Variants in KATNBL1 observed in about 807,000 individuals in gnomAD.
KATNBL1 encodes the protein katanin regulatory subunit B1 like 1, also known as KATNB1-like protein 1.
KATNBL1 carries 28 observed loss-of-function variants against 44.7 expected under a neutral mutation model. The ratio of observed to expected loss-of-function variants is 0.63; its 90% CI spans 0.46 to 0.86. KATNBL1 has a LOEUF of 0.86. KATNBL1 is among the 40% of genes least tolerant of loss of function. The pLI is 0.00. For synonymous variants in KATNBL1, 78 were observed against 114.9 expected, an observed-to-expected ratio of 0.68 and a Z score of 2.06; for missense variants, 272 against 350.7, an observed-to-expected ratio of 0.78 and a Z score of 1.79.
chr15:34,209,574 C>T (rs1461087545), intron 1 of KATNBL1: 1 of 152,182 alleles, frequency 6.6e-6, no homozygotes, highest in Non-Finnish European at 1.5e-5. Flanking sequence ...CGGGCCTAGG[C>T]GCTCTGCGGA....
At chr15:34,189,915 CTAT>C (rs529849956) in intron 1 of KATNBL1, among the ~76,000 whole-genome samples, 28 of 151,278 alleles carry the variant, frequency 1.9e-4, no homozygotes, top group Admixed American at 1.3e-4. Flanking sequence ...TTCAGCACTA[CTAT>C]GTGTCAAGAG....
At chr15:34,158,478 C>T (rs1888704044) in intron 2 of KATNBL1, among the ~76,000 whole-genome samples, 1 of 152,152 alleles carries the variant, frequency 6.6e-6, no homozygotes, top group African/African-American at 2.4e-5. Context: ...AAGGTTGTTC[C>T]CCCAGCTTTC....
At position 34,142,069 on chromosome 15, in the gene KATNBL1, A is replaced by G. The variant is rs1028974175; in HGVS notation, c.*270T>C. 6 of 288,410 alleles carry G rather than the reference A, an allele frequency of 2.1e-5. No homozygotes were observed. The highest frequency in any genetic ancestry group is 3.3e-5 in the Non-Finnish European group (5 of 153,792). The allele number at this position is 288,410 out of a possible 1,614,324, so 17.9% of individuals were successfully genotyped here. ...TCTTAATGTTACCAAATAACCATAT[A>G]ACTCCCAAATGCAGCAAAGGTGAAC... On this transcript the variant is annotated 3_prime_UTR_variant, in exon 10 of 10. Transcript: ENST00000256544.
At chr15:34,150,621 T>G (rs1888440466) in intron 4 of KATNBL1, among the ~76,000 whole-genome samples, 1 of 152,244 alleles carries the variant, frequency 6.6e-6, no homozygotes, top group East Asian at 1.9e-4. Flanking sequence ...ACAAACTTAT[T>G]TTATGTTCAG....
intron 1 of KATNBL1, among the ~76,000 whole-genome samples, chr15:34,193,492 C>G (rs573577813): frequency 3.3e-5 from 5 of 152,096 alleles, no homozygotes; most frequent in African/African-American, 9.7e-5. Flanking sequence ...AGAGATGGCG[C>G]CACTGCACTC....
chr15:34,146,940 A>G (rs1394595807), intron 7 of KATNBL1, 90 bp from the exon 8 acceptor site: 1 of 814,934 alleles, frequency 1.2e-6, no homozygotes, highest in African/African-American at 1.7e-5. Context: ...AAAAACACAC[A>G]CACACATTGG....
At chr15:34,184,955 G>A (rs1889678828) in intron 1 of KATNBL1, among the ~76,000 whole-genome samples, 1 of 151,836 alleles carries the variant, frequency 6.6e-6, no homozygotes, top group South Asian at 2.1e-4. Context: ...CTCTCTTGAT[G>A]ACTTGAGTTC....
At chr15:34,186,594 G>A (rs1889723182) in intron 1 of KATNBL1, among the ~76,000 whole-genome samples, 1 of 152,216 alleles carries the variant, frequency 6.6e-6, no homozygotes, top group Non-Finnish European at 1.5e-5. Flanking sequence ...GCTCCCCTGT[G>A]CAGCTGTGGC....
intron 2 of KATNBL1, among the ~76,000 whole-genome samples, chr15:34,161,667 A>C (rs1339937420): frequency 1.3e-5 from 2 of 152,176 alleles, no homozygotes; most frequent in Non-Finnish European, 2.9e-5. Context: ...AGTCTAAGCT[A>C]ATTCTGATAG....
chr15:34,145,934 A>G (rs1888295175), intron 8 of KATNBL1: 1 of 147,780 alleles, frequency 6.8e-6, no homozygotes, highest in Non-Finnish European at 1.5e-5. Context: ...AGAGCCTACA[A>G]AATAAATTGT....
chr15:34,193,246 A>C (rs1425491141), intron 1 of KATNBL1, among the ~76,000 whole-genome samples: 4 of 146,798 alleles, frequency 2.7e-5, no homozygotes, highest in Admixed American at 6.8e-5. Context: ...CAAAAAAAAA[A>C]CTTAAGGCCA....
chr15:34,204,946 T>C (rs952007788), intron 1 of KATNBL1, among the ~76,000 whole-genome samples: 1 of 152,112 alleles, frequency 6.6e-6, no homozygotes, highest in Non-Finnish European at 1.5e-5. Flanking sequence ...TTCTTGACGA[T>C]TATTTATATG....
chr15:34,172,501 C>G (rs1390287458), intron 1 of KATNBL1, among the ~76,000 whole-genome samples: 1 of 152,082 alleles, frequency 6.6e-6, no homozygotes, highest in African/African-American at 2.4e-5. Flanking sequence ...AAGTGATCCA[C>G]CCACCTTGGC....
At chr15:34,171,100 TA>T (rs762254663) in intron 1 of KATNBL1, among the ~76,000 whole-genome samples, 1 of 151,998 alleles carries the variant, frequency 6.6e-6, no homozygotes, top group Non-Finnish European at 1.5e-5. Context: ...CTAATTAAAC[TA>T]AAGAGCTTCT....
rs57428240 is a variant in KATNBL1 at position 34,191,154 on chromosome 15, C to CATATATATATATATATATATATATAT, written c.-15+18771_-15+18796dup. Among the ~76,000 whole-genome samples, 97 of 136,116 alleles carry CATATATATATATATATATATATATAT rather than the reference C, an allele frequency of 7.1e-4. 1 individual carries two copies. Among genetic ancestry groups the CATATATATATATATATATATATATAT allele is most frequent in the Non-Finnish European group, 1.1e-3 (72 of 62,800 alleles). 89.3% of individuals were successfully genotyped at this position (136,116 alleles called of 152,430 possible). On this transcript the variant is annotated intron_variant, in intron 1 of 9. Transcript: ENST00000256544. ...CAAAAATTTCATATAAATCATAGAC[C>CATATATATATATATATATATATATAT]ATATATATATATATATATATATATA...
chr15:34,148,188 G>A (rs535824104), intron 5 of KATNBL1, among the ~76,000 whole-genome samples: 13 of 152,176 alleles, frequency 8.5e-5, no homozygotes, highest in African/African-American at 2.4e-4. Context: ...TTCCCATATC[G>A]TTATCTCTTA....
At chr15:34,166,506 C>A (rs944444160) in intron 1 of KATNBL1, among the ~76,000 whole-genome samples, 16 of 152,266 alleles carry the variant, frequency 1.1e-4, no homozygotes, top group African/African-American at 3.4e-4. Flanking sequence ...CCTCTGGGGT[C>A]AGGGCATAGC....
At chr15:34,205,664 T>C (rs539016778) in intron 1 of KATNBL1, among the ~76,000 whole-genome samples, 1 of 152,340 alleles carries the variant, frequency 6.6e-6, no homozygotes, top group Admixed American at 6.5e-5. Flanking sequence ...GCATTTTGAA[T>C]TCCTTCAAGA....
Position 34,163,589 on chromosome 15 carries a change from A to G in KATNBL1, c.88T>C (p.Ser30Pro). 6.3e-7 allele frequency: 1 copy of G among 1,596,950 alleles called. No individual in the cohort carries two copies. The change falls in exon 2 of 10, where the codon TCT becomes CCT. Residue 30 changes from serine (S) to proline (P), a missense_variant. Coordinates refer to ENST00000256544, the MANE Select transcript of KATNBL1 (RefSeq NM_024713.3). ...HFIDLPRKKI[S>P]NFTNKNMKEV... Reference sequence around the variant, plus strand: ...TTCATGTTCTTATTAGTGAAATTAGAGATCTTTTTTCTAGGAAGATCAATG... The same window carrying G: ...TTCATGTTCTTATTAGTGAAATTAGGGATCTTTTTTCTAGGAAGATCAATG...
Sources: gnomAD v4.1 joint callset for allele counts (sites outside exome capture counted in the v4.1 genomes callset) on GRCh38, gnomAD v4.1.1 for gene constraint, MANE v1.5 for transcripts, NCBI Gene and HGNC (gene_info 2026-07-23, HGNC 2026-07-21) for gene names.